The following FSCB variants were observed in gnomAD, a reference collection of about 807,000 sequenced individuals.
FSCB encodes the protein fibrous sheath CABYR binding protein.
For synonymous variants in FSCB, 331 were observed against 336.6 expected, an observed-to-expected ratio of 0.98 and a Z score of 0.18; for missense variants, 975 against 934.8, an observed-to-expected ratio of 1.04 and a Z score of -0.56.
chr14:44,505,706 A>G lies in FSCB; in HGVS notation c.1282T>C (p.Leu428=), dbSNP rs1347182651. 6.2e-7 allele frequency: 1 copy of G among 1,613,540 alleles called. No homozygotes were observed. The highest frequency in any genetic ancestry group is 1.7e-5 in the Admixed American group (1 of 60,014). The change falls in exon 1 of 1, where the codon TTA becomes CTA. Residue 428 remains leucine, a synonymous_variant. Coordinates refer to ENST00000340446, the MANE Select transcript of FSCB (RefSeq NM_032135.4). ...TCTTCTCTAGGAGCCTCTTCAGGTA[A>G]TAGAGGCTGAACATCAGCAAGGGTC... ...EETLADVQPL[L]PEEAPREEAR...
In FSCB at chr14:44,506,603, C is replaced by A. The variant is rs911868742; in HGVS notation, c.385G>T (p.Asp129Tyr). The A allele has an allele frequency of 6.2e-7, 1 of 1,614,020 alleles. No individual in the cohort carries two copies. The highest frequency in any genetic ancestry group is 2.2e-5 in the East Asian group (1 of 44,888). Residue 129 changes from aspartate to tyrosine, a missense_variant, in exon 1 of 1, where the codon GAC (aspartate) becomes TAC (tyrosine). Coordinates refer to ENST00000340446, the MANE Select transcript of FSCB (RefSeq NM_032135.4). ...GTACGGCTGGTCTGCTGAGATCTGT[C>A]CATTTTTAGTTGAACTGAAGGTATG... ...PNIPSVQLKM[D>Y]RSQQTSRTGY...
Position 44,505,631 on chromosome 14 carries a change from C to G in FSCB, c.1357G>C (p.Ala453Pro). The G allele has an allele frequency of 3.1e-6, 5 of 1,613,502 alleles. No individual in the cohort carries two copies. The highest frequency in any genetic ancestry group is 4.2e-6 in the Non-Finnish European group (5 of 1,179,990). The stretch of plus-strand genomic sequence containing the variant: ...AATGGAGACTGAAATTCAGTAGGAG[C>G]CTCTTCTGCAGGGGTCTCCATAGCT... ...STAMETPAEE[A>P]PTEFQSPLPK... Residue 453 changes from alanine to proline, a missense_variant, in exon 1 of 1, where the codon GCT becomes CCT. Ala to Pro is a conservative substitution (Grantham distance 27, BLOSUM62 -1). Coordinates refer to ENST00000340446, the MANE Select transcript of FSCB (RefSeq NM_032135.4).
At position 44,506,015 on chromosome 14, in the gene FSCB, G is replaced by T. The variant is rs772340686; in HGVS notation, c.973C>A (p.Pro325Thr). 5 of 1,614,048 alleles carry T rather than the reference G, an allele frequency of 3.1e-6. No individual in the cohort carries two copies. In the South Asian group the frequency reaches 4.4e-5, roughly 14 times the overall value. ...ATTTCAGCAGGAAACTCCACTAAAG[G>T]GGCCTCTTCAGCAGGTGGAGGCTGA... ...KVQPPPAEEA[P>T]LVEFPAEIQP... The change falls in exon 1 of 1, where the codon CCT (proline) becomes ACT (threonine). Residue 325 changes from proline to threonine, a missense_variant. Pro to Thr is a conservative substitution (Grantham distance 38, BLOSUM62 -1). Coordinates refer to ENST00000340446, the MANE Select transcript of FSCB (RefSeq NM_032135.4).
Position 44,505,440 on chromosome 14 carries a change from G to T in FSCB, c.1548C>A (p.Thr516=), listed in dbSNP as rs1881047894. The change falls in exon 1 of 1, where the codon ACC becomes ACA. Residue 516 remains threonine (T), a synonymous_variant. Coordinates refer to ENST00000340446, the MANE Select transcript of FSCB (RefSeq NM_032135.4). ...TTTCAGCAGAGGCCTCTTCTGCAGT[G>T]GTCTCTTCAGCTAATGGAGATTGAA... ...AEVQSPLAEE[T]TAEEASAEIQ... The T allele has an allele frequency of 6.2e-7, 1 of 1,611,934 alleles. No individual in the cohort carries two copies. Among genetic ancestry groups the T allele is most frequent in the Non-Finnish European group, 8.5e-7 (1 of 1,179,942 alleles).
In FSCB at chr14:44,505,651, A is replaced by G. The variant is rs757675485; in HGVS notation, c.1337T>C (p.Met446Thr). The part of the protein sequence containing the change: ...EARELQLSTA[M>T]ETPAEEAPTE... ...AGGAGCCTCTTCTGCAGGGGTCTCC[A>G]TAGCTGTTGAAAGCTGAAGTTCTCG... is the stretch of plus-strand genomic sequence containing the variant. Residue 446 changes from methionine to threonine, a missense_variant, in exon 1 of 1, where the codon ATG becomes ACG. Met to Thr is a moderately conservative substitution (Grantham distance 81). Coordinates refer to ENST00000340446, the MANE Select transcript of FSCB (RefSeq NM_032135.4). The G allele has an allele frequency of 1.9e-6, 3 of 1,613,532 alleles. No homozygotes were observed. The highest frequency in any genetic ancestry group is 2.2e-5 in the South Asian group (2 of 91,032).
rs944930818 is a variant in FSCB, at chr14:44,506,331, A to G, written c.657T>C (p.Thr219=). 1 of 1,614,054 alleles carries G rather than the reference A, an allele frequency of 6.2e-7. No individual in the cohort carries two copies. Among genetic ancestry groups the G allele is most frequent in the African/African-American group, 1.3e-5 (1 of 74,928 alleles). ...CCGGGGGACCTTTTTTAGTCTCCTG[A>G]GTAAATGAAGTTCTGCTGATATTTT... ...GQKNISRTSF[T]QETKKGPPVL... Residue 219 remains threonine, a synonymous_variant, in exon 1 of 1, where the codon ACT becomes ACC. Transcript: ENST00000340446.
chr14:44,506,781 A>C lies in FSCB; in HGVS notation c.207T>G (p.Thr69=). 1.2e-6 allele frequency: 2 copies of C among 1,614,008 alleles called. No individual in the cohort carries two copies. The highest frequency in any genetic ancestry group is 8.5e-7 in the Non-Finnish European group (1 of 1,179,938). Reference sequence around the variant, plus strand: ...TGGTGTCTGTCTGGAGAGACTTACTAGTCATTTCCTGTCCATGCTTTCTCT... The same window carrying C: ...TGGTGTCTGTCTGGAGAGACTTACTCGTCATTTCCTGTCCATGCTTTCTCT... ...WTKRKHGQEM[T]SKSLQTDTIV... is the part of the protein sequence containing the mutation. Residue 69 remains threonine (T), a synonymous_variant, in exon 1 of 1, where the codon ACT becomes ACG. Coordinates refer to ENST00000340446, the MANE Select transcript of FSCB (RefSeq NM_032135.4).
In FSCB at chr14:44,505,302, T is replaced by C. The variant is rs1881041246; in HGVS notation, c.1686A>G (p.Pro562=). ...CTTCTATAGAAACTCCCTTAGCTGA[T>C]GGAGACTGAACTTCAGCAGGAGCCT... ...AEEAPAEVQS[P]SAKGVSIEEA... is the part of the protein sequence containing the mutation. The change falls in exon 1 of 1, where the codon CCA becomes CCG. Residue 562 remains proline (P), a synonymous_variant. Transcript: ENST00000340446. 7 of 1,613,088 alleles carry C rather than the reference T, an allele frequency of 4.3e-6. No homozygotes were observed. The East Asian group carries it at 1.1e-4, about 26-fold the overall frequency.
chr14:44,506,689 T>A lies in FSCB; in HGVS notation c.299A>T (p.Asp100Val). 2 of 1,614,182 alleles carry A rather than the reference T, an allele frequency of 1.2e-6. No individual in the cohort carries two copies. The highest frequency in any genetic ancestry group is 1.7e-6 in the Non-Finnish European group (2 of 1,180,012). The change falls in exon 1 of 1, where the codon GAT becomes GTT. Residue 100 changes from aspartate to valine, a missense_variant. Transcript: ENST00000340446. ...CAATTCAATAGCAGCTTCTCTAACA[T>A]CAGCTGACTTTTCTTCAGGTACCAC... ...ETVVPEEKSA[D>V]VREAAIELPE...
Position 44,505,325 on chromosome 14 carries a change from C to G in FSCB, c.1663G>C (p.Ala555Pro), listed in dbSNP as rs1347942939. ...PLSEETSAEE[A>P]PAEVQSPSAK... is the part of the protein sequence containing the mutation. Reference sequence around the variant, plus strand: ...GATGGAGACTGAACTTCAGCAGGAGCCTCTTCTGCAGAAGTCTCCTCAGAT... The same window carrying G: ...GATGGAGACTGAACTTCAGCAGGAGGCTCTTCTGCAGAAGTCTCCTCAGAT... Residue 555 changes from alanine to proline, a missense_variant, in exon 1 of 1, where the codon GCT becomes CCT. Physicochemically the swap from Ala to Pro is conservative, Grantham distance 27. Transcript: ENST00000340446. 2 of 1,613,092 alleles carry G rather than the reference C, an allele frequency of 1.2e-6. No homozygotes were observed. The highest frequency in any genetic ancestry group is 1.8e-4 in the Middle Eastern group (1 of 5,466).
rs373016481 is a variant in FSCB at position 44,504,796 on chromosome 14, A to G, written c.2192T>C (p.Ile731Thr). Residue 731 changes from isoleucine (I) to threonine (T), a missense_variant, in exon 1 of 1, where the codon ATA becomes ACA. Ile to Thr is a moderately conservative substitution (Grantham distance 89). Transcript: ENST00000340446. ...TGAAACTTCAGCAGAGGCCTCTCCT[A>G]TAGGAAACTCCTCAGTCAGAAGCAA... ...ADLLLTEEFP[I>T]GEASAEVSPP... 14 of 1,613,556 alleles carry G rather than the reference A, an allele frequency of 8.7e-6. No homozygotes were observed. Among genetic ancestry groups the G allele is most frequent in the Non-Finnish European group, 1.2e-5 (14 of 1,179,884 alleles).
At position 44,504,596 on chromosome 14, in the gene FSCB, A is replaced by C; in HGVS notation, c.2392T>G (p.Ser798Ala). 6.2e-7 allele frequency: 1 copy of C among 1,614,154 alleles called. No homozygotes were observed. Among genetic ancestry groups the C allele is most frequent in the Non-Finnish European group, 8.5e-7 (1 of 1,179,990 alleles). ...GGAGCCTGTCCATCATTGGTATTAG[A>C]CAAATCTTTAAGGACAGAATTGATT... ...SKINSVLKDL[S>A]NTNDGQAPTL... Residue 798 changes from serine to alanine, a missense_variant, in exon 1 of 1, where the codon TCT becomes GCT. Physicochemically the swap from Ser to Ala is moderately conservative, Grantham distance 99. Transcript: ENST00000340446.
chr14:44,506,455 T>A lies in FSCB; in HGVS notation c.533A>T (p.Lys178Met). The A allele has an allele frequency of 1.2e-6, 2 of 1,614,216 alleles. No homozygotes were observed. Among genetic ancestry groups the A allele is most frequent in the South Asian group, 2.2e-5 (2 of 91,082 alleles). The part of the protein sequence containing the change: ...SRPDSSSTKS[K>M]EDALKHKSSG... ...CGATTTATGTTTCAGGGCATCTTCCTTTGACTTTGTAGAAGAACTATCTGG... is the reference window on the plus strand; with the variant it reads ...CGATTTATGTTTCAGGGCATCTTCCATTGACTTTGTAGAAGAACTATCTGG... The change falls in exon 1 of 1, where the codon AAG becomes ATG. Residue 178 changes from lysine (K) to methionine (M), a missense_variant. Lys to Met is a moderately conservative substitution (Grantham distance 95). Transcript: ENST00000340446.
At position 44,506,941 on chromosome 14, in the gene FSCB, T is replaced by C. The variant is rs1284566742; in HGVS notation, c.47A>G (p.His16Arg). 1.1e-5 allele frequency: 18 copies of C among 1,599,080 alleles called. No homozygotes were observed. Among genetic ancestry groups the C allele is most frequent in the Non-Finnish European group, 1.5e-5 (18 of 1,169,836 alleles). The change falls in exon 1 of 1, where the codon CAC (histidine) becomes CGC (arginine). Residue 16 changes from histidine to arginine, a missense_variant. Transcript: ENST00000340446. ...QQTDVIEKKK[H>R]MAIPKSSSPK... ...GCTAGATGATTTTGGTATGGCCATG[T>C]GTTTCTTTTTCTCTATTACATCAGT...
In FSCB at chr14:44,504,788, C is replaced by T. The variant is rs1368442767; in HGVS notation, c.2200G>A (p.Ala734Thr). 24 of 1,614,088 alleles carry T rather than the reference C, an allele frequency of 1.5e-5. No homozygotes were observed. The highest frequency in any genetic ancestry group is 1.8e-5 in the Non-Finnish European group (21 of 1,180,040). Residue 734 changes from alanine to threonine, a missense_variant, in exon 1 of 1, where the codon GCC (alanine) becomes ACC (threonine). By Grantham distance (58) the Ala-to-Thr change is moderately conservative (BLOSUM62 0). Transcript: ENST00000340446. ...GGTGGAGGTGAAACTTCAGCAGAGGCCTCTCCTATAGGAAACTCCTCAGTC... is the reference window on the plus strand; with the variant it reads ...GGTGGAGGTGAAACTTCAGCAGAGGTCTCTCCTATAGGAAACTCCTCAGTC... Reference protein sequence around the residue: ...LLTEEFPIGEASAEVSPPPSE... With the variant: ...LLTEEFPIGETSAEVSPPPSE...
In FSCB at chr14:44,504,864, A is replaced by G; in HGVS notation, c.2124T>C (p.Pro708=). 6.2e-7 allele frequency: 1 copy of G among 1,614,164 alleles called. No individual in the cohort carries two copies. Among genetic ancestry groups the G allele is most frequent in the Non-Finnish European group, 8.5e-7 (1 of 1,180,016 alleles). Residue 708 remains proline, a synonymous_variant, in exon 1 of 1, where the codon CCT becomes CCC. Transcript: ENST00000340446. ...AVHSPPADDV[P]AEEASVDKHS... The stretch of plus-strand genomic sequence containing the variant: ...GTTTGTCAACGGAGGCCTCTTCTGC[A>G]GGGACATCATCAGCTGGGGGAGAGT...
rs1036602003 is a variant in FSCB, at chr14:44,506,353, T to G, written c.635A>C (p.Asn212Thr). The G allele has an allele frequency of 6.2e-7, 1 of 1,614,186 alleles. No individual in the cohort carries two copies. The highest frequency in any genetic ancestry group is 1.3e-5 in the African/African-American group (1 of 75,050). The change falls in exon 1 of 1, where the codon AAT becomes ACT. Residue 212 changes from asparagine to threonine, a missense_variant. Asn to Thr is a moderately conservative substitution (Grantham distance 65). Coordinates refer to ENST00000340446, the MANE Select transcript of FSCB (RefSeq NM_032135.4). Reference sequence around the variant, plus strand: ...CTGAGTAAATGAAGTTCTGCTGATATTTTTCTGCCCAATTTCTTCATTGCT... The same window carrying G: ...CTGAGTAAATGAAGTTCTGCTGATAGTTTTCTGCCCAATTTCTTCATTGCT... ...TNSNEEIGQK[N>T]ISRTSFTQET...
chr14:44,506,734 A>G lies in FSCB; in HGVS notation c.254T>C (p.Val85Ala). 3.7e-6 allele frequency: 6 copies of G among 1,614,064 alleles called. No individual in the cohort carries two copies. The highest frequency in any genetic ancestry group is 5.1e-6 in the Non-Finnish European group (6 of 1,180,006). The change falls in exon 1 of 1, where the codon GTC becomes GCC. Residue 85 changes from valine to alanine, a missense_variant. Coordinates refer to ENST00000340446, the MANE Select transcript of FSCB (RefSeq NM_032135.4). The part of the protein sequence containing the change: ...TDTIVEEKKE[V>A]KLVEETVVPE... Reference sequence around the variant, plus strand: ...TACCACGGTTTCCTCAACTAACTTGACTTCTTTTTTCTCTTCTACAATGGT... The same window carrying G: ...TACCACGGTTTCCTCAACTAACTTGGCTTCTTTTTTCTCTTCTACAATGGT...
Position 44,506,091 on chromosome 14 carries a change from C to T in FSCB, c.897G>A (p.Glu299=), listed in dbSNP as rs372455925. Residue 299 remains glutamate (E), a synonymous_variant, in exon 1 of 1, where the codon GAG becomes GAA. Coordinates refer to ENST00000340446, the MANE Select transcript of FSCB (RefSeq NM_032135.4). ...THVQVQPSTE[E]TPDAEAATAV... is the part of the protein sequence containing the mutation. ...CAGTGGCTGCCTCAGCATCAGGAGT[C>T]TCTTCAGTTGATGGCTGTACTTGGA... 5.1e-5 allele frequency: 82 copies of T among 1,614,026 alleles called. No individual in the cohort carries two copies. Among genetic ancestry groups the T allele is most frequent in the Non-Finnish European group, 6.8e-6 (8 of 1,180,022 alleles).
Sources: gnomAD v4.1 joint callset for allele counts on GRCh38, gnomAD v4.1.1 for gene constraint, MANE v1.5 for transcripts, NCBI Gene and HGNC (gene_info 2026-07-23, HGNC 2026-07-21) for gene names.